Variants in CRISP1 observed in about 807,000 individuals in gnomAD.
The protein encoded by CRISP1 is cysteine-rich secretory protein 1.
Under a neutral mutation model 33.1 loss-of-function variants are expected in CRISP1, and 44 were observed. That is an observed-to-expected ratio of 1.33 (90% CI 1.05 to 1.71). The LOEUF is 1.71. Ranked by LOEUF, CRISP1 falls within the 40% of genes most tolerant of loss-of-function variation. The probability of loss-of-function intolerance (pLI) is 0.00; values close to 1 mark genes in which losing one functional copy is unlikely to be tolerated. For synonymous variants in CRISP1, 103 were observed against 98.7 expected (o/e 1.04, Z -0.26); for missense variants, 390 against 301.2 (o/e 1.29, Z -2.18).
intron 1 of CRISP1, among the ~76,000 whole-genome samples, chr6:49,874,682 C>A (rs897698839): frequency 6.6e-6 from 1 of 152,092 alleles, no homozygotes; most frequent in South Asian, 2.1e-4. Flanking sequence ...CCAAATCCAG[C>A]AGTGCATCAA....
At chr6:49,842,650 A>T (rs1034423808) in intron 5 of CRISP1, among the ~76,000 whole-genome samples, 1 of 152,102 alleles carries the variant, frequency 6.6e-6, no homozygotes. Context: ...CTTGCTGTTC[A>T]GTTCATTCTG....
rs1400608723 is a variant in CRISP1 at position 49,846,631 on chromosome 6, A to T, written c.324T>A (p.Tyr108Ter). The T allele has an allele frequency of 1.2e-6, 2 of 1,613,424 alleles. No homozygotes were observed. The highest frequency in any genetic ancestry group is 1.1e-5 in the South Asian group (1 of 91,060). ...CAATTACACTTGACCATGATACAGG[A>T]TAAGATGTCATATGCATATTTTCTC... is the stretch of plus-strand genomic sequence containing the variant. ...FCGENMHMTS[Y>*]PVSWSSVIGV... is the part of the protein sequence containing the mutation. Residue 108 changes from tyrosine to a stop codon, truncating the protein, a stop_gained, in exon 5 of 8, where the codon TAT becomes TAA. Coordinates refer to ENST00000335847, the MANE Select transcript of CRISP1 (RefSeq NM_001131.3). LOFTEE classifies it high-confidence loss of function.
At chr6:49,836,886 A>C (rs1037057401) in intron 7 of CRISP1, among the ~76,000 whole-genome samples, 26 of 152,214 alleles carry the variant, frequency 1.7e-4, no homozygotes, top group Middle Eastern at 3.4e-3. Flanking sequence ...TAATTTGCCA[A>C]AGTCATTACT....
At chr6:49,870,905 TG>T (rs2127479558), upstream of CRISP1, among the ~76,000 whole-genome samples, 2 of 152,178 alleles carry the variant, frequency 1.3e-5, 1 homozygote, top group South Asian at 4.1e-4. Context: ...GAGACCAGCC[TG>T]GCCAATCAAT....
chr6:49,873,587 A>G (rs1468380296), intron 1 of CRISP1, among the ~76,000 whole-genome samples: 1 of 152,112 alleles, frequency 6.6e-6, no homozygotes, highest in Non-Finnish European at 1.5e-5. Context: ...ATAATTAAAA[A>G]TGAAGTTTTC....
intron 2 of CRISP1, among the ~76,000 whole-genome samples, chr6:49,855,393 T>C (rs1178110306): frequency 6.6e-6 from 1 of 152,038 alleles, no homozygotes; most frequent in African/African-American, 2.4e-5. Flanking sequence ...GGCCTTTGAA[T>C]ACTCTGTTTA....
chr6:49,869,208 T>C (rs911805072), upstream of CRISP1, among the ~76,000 whole-genome samples: 48 of 152,330 alleles, frequency 3.2e-4, no homozygotes, highest in African/African-American at 1.2e-3. Context: ...CAGACATTTA[T>C]ATCTCTGATG....
upstream of CRISP1, among the ~76,000 whole-genome samples, chr6:49,868,436 A>G (rs1771848841): frequency 6.6e-6 from 1 of 152,216 alleles, no homozygotes; most frequent in Admixed American, 6.5e-5. Context: ...AGATAGATAA[A>G]GGCTAATGTG....
upstream of CRISP1, among the ~76,000 whole-genome samples, chr6:49,870,933 C>A (rs1000428628): frequency 1.3e-5 from 2 of 151,788 alleles, no homozygotes; most frequent in Admixed American, 6.6e-5. Flanking sequence ...AAACCCCATG[C>A]CTACTAAAAA....
chr6:49,865,737 G>T (rs1375616654), intron 1 of CRISP1, among the ~76,000 whole-genome samples: 1 of 152,136 alleles, frequency 6.6e-6, no homozygotes, highest in Non-Finnish European at 1.5e-5. Flanking sequence ...GAGGAGGGCT[G>T]AGGTGGGGCA....
rs140553672 is a variant in CRISP1 at position 49,857,628 on chromosome 6, G to A, written c.-2-226C>T. 6.8e-4 allele frequency among the ~76,000 whole-genome samples: 104 copies of A among 152,144 alleles called. 1 individual carries two copies. Among genetic ancestry groups the A allele is most frequent in the African/African-American group, 2.3e-3 (95 of 41,522 alleles). On this transcript the variant is annotated intron_variant, in intron 1 of 7. Coordinates refer to ENST00000335847, the MANE Select transcript of CRISP1 (RefSeq NM_001131.3). Reference sequence around the variant, plus strand: ...AAAAATATAAATTGTTTTAATCCCTGGACCTTTGAATATGTCATATTGTAT... The same window carrying A: ...AAAAATATAAATTGTTTTAATCCCTAGACCTTTGAATATGTCATATTGTAT...
intron 7 of CRISP1, among the ~76,000 whole-genome samples, chr6:49,837,170 G>A (rs182779341): frequency 3.3e-5 from 5 of 151,892 alleles, no homozygotes; most frequent in African/African-American, 1.2e-4. Context: ...TACATTTTTA[G>A]CATTGTTTGT....
intron 2 of CRISP1, among the ~76,000 whole-genome samples, chr6:49,854,782 C>T (rs1440766952): frequency 6.6e-6 from 1 of 152,108 alleles, no homozygotes; most frequent in African/African-American, 2.4e-5. Flanking sequence ...TAGGCAATGT[C>T]TGGGGAAATT....
At chr6:49,867,785 A>C (rs1322401924), upstream of CRISP1, among the ~76,000 whole-genome samples, 1 of 152,186 alleles carries the variant, frequency 6.6e-6, no homozygotes, top group Non-Finnish European at 1.5e-5. Flanking sequence ...TTCATAGATA[A>C]GATGAATTAT....
intron 5 of CRISP1, 82 bp from the exon 6 acceptor site, chr6:49,841,077 A>G (rs1770972428): frequency 2.1e-5 from 26 of 1,245,316 alleles, no homozygotes; most frequent in Non-Finnish European, 2.9e-5. Context: ...TCCATGATTA[A>G]AAGTAAACAT....
chr6:49,848,197 A>G lies in CRISP1; in HGVS notation c.286+12T>C. On this transcript the variant is annotated intron_variant, in intron 4 of 7. Coordinates refer to ENST00000335847, the MANE Select transcript of CRISP1 (RefSeq NM_001131.3). Reference sequence around the variant, plus strand: ...TTTAGTCCAAAGGCGGGTCATATAGATACACACTTACTTGGAAGTCTCCTC... The same window carrying G: ...TTTAGTCCAAAGGCGGGTCATATAGGTACACACTTACTTGGAAGTCTCCTC... 6.6e-7 allele frequency: 1 copy of G among 1,513,038 alleles called. No individual in the cohort carries two copies. The highest frequency in any genetic ancestry group is 9.0e-7 in the Non-Finnish European group (1 of 1,111,294). 93.7% of individuals were successfully genotyped at this position (1,513,038 alleles called of 1,614,324 possible). A position where few individuals can be genotyped will look rare whatever the true frequency, so the allele number is the denominator to read the frequency against.
chr6:49,875,236 G>A (rs1772010979), intron 1 of CRISP1, among the ~76,000 whole-genome samples: 2 of 151,892 alleles, frequency 1.3e-5, no homozygotes, highest in African/African-American at 4.8e-5. Flanking sequence ...CAAAGTCAAT[G>A]TGCAAAAGTC....
chr6:49,863,557 AT>A (rs2127477726), intron 1 of CRISP1, among the ~76,000 whole-genome samples: 1 of 152,360 alleles, frequency 6.6e-6, no homozygotes, highest in South Asian at 2.1e-4. Flanking sequence ...AACTTGATAC[AT>A]TATTTAAATG....
In CRISP1 at chr6:49,864,937, G is replaced by A. The variant is rs111367142; in HGVS notation, c.-3+1492C>T. Reference sequence around the variant, plus strand: ...AGCTAATTTTTATTTTCTTATGTTAGTGCTTATGCATGTGTTGGCATGTGT... The same window carrying A: ...AGCTAATTTTTATTTTCTTATGTTAATGCTTATGCATGTGTTGGCATGTGT... On this transcript the variant is annotated intron_variant, in intron 1 of 7. Transcript: ENST00000335847. Among the ~76,000 whole-genome samples the A allele has an allele frequency of 7.7e-3, 1,166 of 151,852 alleles. 14 individuals are homozygous for A. Among genetic ancestry groups the A allele is most frequent in the African/African-American group, 0.026 (1,078 of 41,322 alleles).
Sources: allele counts gnomAD v4.1 joint callset (sites outside exome capture counted in the v4.1 genomes callset), GRCh38; gene constraint gnomAD v4.1.1; transcripts MANE v1.5; gene names NCBI Gene and HGNC (gene_info 2026-07-23, HGNC 2026-07-21).